The following PDE1A variants were observed in gnomAD, a reference collection of about 807,000 sequenced individuals.
PDE1A encodes dual specificity calcium/calmodulin-dependent 3',5'-cyclic nucleotide phosphodiesterase 1A.
In PDE1A, 35 loss-of-function variants were observed where a neutral mutation model predicts 61.7. The ratio of observed to expected loss-of-function variants is 0.57; its 90% CI spans 0.43 to 0.75. The LOEUF (loss-of-function observed/expected upper bound fraction) is 0.75, where lower values mean the gene tolerates loss of function less well. PDE1A is among the 30% of genes least tolerant of loss of function. PDE1A has a pLI of 0.00. For missense variants in PDE1A, 597 were observed against 630.6 expected (o/e 0.95, Z 0.57); for synonymous variants, 232 against 213.2 (o/e 1.09, Z -0.77).
chr2:182,274,349 C>T (rs1693250192), intron 1 of PDE1A, among the ~76,000 whole-genome samples: 1 of 152,028 alleles, frequency 6.6e-6, no homozygotes, highest in South Asian at 2.1e-4. Context: ...CACAAACATG[C>T]ATACGGAAAA....
chr2:182,297,322 C>T (rs1403597773), intron 1 of PDE1A, among the ~76,000 whole-genome samples: 1 of 152,078 alleles, frequency 6.6e-6, no homozygotes, highest in Admixed American at 6.5e-5. Context: ...TTTTCCTCTT[C>T]CTCCTCCCAC....
chr2:182,599,233 T>C, the PDE1A span, among the ~76,000 whole-genome samples: 1 of 152,064 alleles, frequency 6.6e-6, no homozygotes, highest in African/African-American at 2.4e-5. Context: ...CTCCCATGAC[T>C]GGTGGTGGAT....
chr2:182,200,293 G>A (rs1686508702), intron 10 of PDE1A, among the ~76,000 whole-genome samples: 1 of 152,140 alleles, frequency 6.6e-6, no homozygotes, highest in Non-Finnish European at 1.5e-5. Context: ...TCAGCATAGG[G>A]CCTGGTCACC....
the PDE1A span, among the ~76,000 whole-genome samples, chr2:182,565,604 C>T: frequency 6.6e-6 from 1 of 152,072 alleles, no homozygotes; most frequent in Non-Finnish European, 1.5e-5. Context: ...CCATCCATTA[C>T]AATCTGCCTT....
intron 2 of PDE1A, among the ~76,000 whole-genome samples, chr2:182,469,427 C>T (rs904003157): frequency 6.6e-6 from 1 of 151,952 alleles, no homozygotes; most frequent in Non-Finnish European, 1.5e-5. Context: ...AGCTTCCTCA[C>T]CTCTCTCAGC....
intron 1 of PDE1A, among the ~76,000 whole-genome samples, chr2:182,377,309 C>T (rs144741840): frequency 1.2e-3 from 178 of 152,220 alleles, no homozygotes; most frequent in African/African-American, 4.2e-3. Flanking sequence ...CCCCCTGACC[C>T]TTTATCTTTC....
chr2:182,293,509 T>C (rs1027054318), intron 1 of PDE1A, among the ~76,000 whole-genome samples: 7 of 152,044 alleles, frequency 4.6e-5, no homozygotes, highest in Admixed American at 1.3e-4. Flanking sequence ...AAAACACCTA[T>C]AGCCTTTAAT....
At chr2:182,569,157 C>T in the PDE1A span, among the ~76,000 whole-genome samples, 1 of 151,226 alleles carries the variant, frequency 6.6e-6, no homozygotes, top group Non-Finnish European at 1.5e-5. Context: ...GCGGGGCTGA[C>T]GTGGGAGGAT....
intron 1 of PDE1A, among the ~76,000 whole-genome samples, chr2:182,349,803 C>T (rs1375445762): frequency 1.3e-5 from 2 of 152,018 alleles, no homozygotes; most frequent in African/African-American, 4.8e-5. Flanking sequence ...AAGACACACG[C>T]AAACAGAGAT....
chr2:182,315,277 AT>A, intron 1 of PDE1A, among the ~76,000 whole-genome samples: 1 of 152,180 alleles, frequency 6.6e-6, no homozygotes, highest in Middle Eastern at 3.4e-3. Flanking sequence ...CTTTGAGCAT[AT>A]TTTTCAAGCA....
chr2:182,524,818 T>C (rs1472666284), upstream of PDE1A, among the ~76,000 whole-genome samples: 1 of 151,968 alleles, frequency 6.6e-6, no homozygotes, highest in South Asian at 2.1e-4. Flanking sequence ...CCAATTTGTA[T>C]GTCCCTCATT....
chr2:182,679,272 C>T, the PDE1A span, among the ~76,000 whole-genome samples: 1 of 151,334 alleles, frequency 6.6e-6, no homozygotes, highest in South Asian at 2.1e-4. Context: ...CAAGCTCCGC[C>T]TCCCGGGTTA....
At chr2:182,194,191 TGAA>T (rs1000620911) in intron 10 of PDE1A, among the ~76,000 whole-genome samples, 19 of 152,236 alleles carry the variant, frequency 1.2e-4, no homozygotes, top group Admixed American at 3.3e-4. Flanking sequence ...AACAGCTAGT[TGAA>T]GAAGGGAAAA....
chr2:182,591,340 G>GTT, the PDE1A span, among the ~76,000 whole-genome samples: 4 of 152,130 alleles, frequency 2.6e-5, no homozygotes, highest in African/African-American at 7.2e-5. Context: ...TTAAGTCCCA[G>GTT]TTATCTGACC....
At chr2:182,185,439 C>G (rs1474504194) in intron 13 of PDE1A, among the ~76,000 whole-genome samples, 1 of 152,122 alleles carries the variant, frequency 6.6e-6, no homozygotes, top group Non-Finnish European at 1.5e-5. Context: ...TTCCCCAATT[C>G]CTGTCTAAAT....
At chr2:182,311,095 G>A (rs957103230) in intron 1 of PDE1A, among the ~76,000 whole-genome samples, 4 of 152,314 alleles carry the variant, frequency 2.6e-5, no homozygotes, top group African/African-American at 7.2e-5. Context: ...GAAGTGAACT[G>A]CCATGTGGGC....
chr2:182,213,076 G>C (rs6729405), intron 7 of PDE1A, among the ~76,000 whole-genome samples: 19 of 147,058 alleles, frequency 1.3e-4, no homozygotes, highest in South Asian at 2.2e-4. Flanking sequence ...ATCTGAGAAC[G>C]GGCAGACTGC....
upstream of PDE1A, among the ~76,000 whole-genome samples, chr2:182,524,535 G>T (rs1394170054): frequency 1.3e-5 from 2 of 151,608 alleles, no homozygotes; most frequent in Non-Finnish European, 2.9e-5. Context: ...AAGACCTCAA[G>T]GTATACTAAT....
intron 2 of PDE1A, among the ~76,000 whole-genome samples, chr2:182,440,924 C>A (rs1035855030): frequency 6.6e-6 from 1 of 151,920 alleles, no homozygotes; most frequent in East Asian, 1.9e-4. Context: ...TTTCCCCTTA[C>A]CACGAAAATT....
Sources: gnomAD v4.1 joint callset for allele counts (sites outside exome capture counted in the v4.1 genomes callset) on GRCh38, gnomAD v4.1.1 for gene constraint, MANE v1.5 for transcripts, NCBI Gene and HGNC (gene_info 2026-07-23, HGNC 2026-07-21) for gene names.